Variants in PRSS23 observed in about 807,000 individuals in gnomAD.
The protein encoded by PRSS23 is serine protease 23.
Under a neutral mutation model 34.7 loss-of-function variants are expected in PRSS23, and 25 were observed. That is an observed-to-expected ratio of 0.72 (90% CI 0.53 to 1.01). The LOEUF is 1.01. Ranked by LOEUF, PRSS23 falls within the 50% of genes least tolerant of loss-of-function variation. PRSS23 has a pLI of 0.00. For missense variants in PRSS23, 445 were observed against 475.6 expected (o/e 0.94, Z 0.60); for synonymous variants, 176 against 186.6 (o/e 0.94, Z 0.46).
At chr11:86,892,024 A>G (rs560919038) in intron 2 of PRSS23, among the ~76,000 whole-genome samples, 14 of 152,364 alleles carry the variant, frequency 9.2e-5, no homozygotes, top group African/African-American at 2.6e-4. Context: ...ACAGACTGAT[A>G]CAACATCCTA....
chr11:86,873,587 T>C (rs1948703364), intron 2 of PRSS23, among the ~76,000 whole-genome samples: 1 of 152,090 alleles, frequency 6.6e-6, no homozygotes, highest in Non-Finnish European at 1.5e-5. Flanking sequence ...CCAGCCTATA[T>C]TCTTAAAGAT....
At chr11:86,879,191 C>G (rs1399130759) in intron 2 of PRSS23, among the ~76,000 whole-genome samples, 14 of 149,604 alleles carry the variant, frequency 9.4e-5, no homozygotes, top group Admixed American at 7.3e-4. Context: ...CGTCTCTGCC[C>G]GGCGGCCCAT....
chr11:86,901,166 G>C (rs1948909818), intron 2 of PRSS23, among the ~76,000 whole-genome samples: 1 of 152,064 alleles, frequency 6.6e-6, no homozygotes, highest in Non-Finnish European at 1.5e-5. Context: ...TAACAGCCTA[G>C]TCTTTTCCTT....
At chr11:86,802,780 G>C (rs1394854181) in intron 1 of PRSS23, among the ~76,000 whole-genome samples, 1 of 152,206 alleles carries the variant, frequency 6.6e-6, no homozygotes, top group Non-Finnish European at 1.5e-5. Context: ...TGTTGTTGCA[G>C]TTTTCAAGAC....
chr11:86,797,679 C>G (rs1332136591), upstream of PRSS23, among the ~76,000 whole-genome samples: 3 of 152,144 alleles, frequency 2.0e-5, no homozygotes, highest in Non-Finnish European at 1.5e-5. Flanking sequence ...CAATGAATGT[C>G]AAAGCTGACT....
chr11:86,951,304 A>T (rs1220146427), exon 3 of PRSS23: 2 of 1,614,092 alleles, frequency 1.2e-6, no homozygotes, highest in African/African-American at 2.7e-5. Context: ...CCACCAACAA[A>T]GACATAAAAA....
intron 2 of PRSS23, among the ~76,000 whole-genome samples, chr11:86,858,352 C>T (rs1590897656): frequency 6.6e-6 from 1 of 151,954 alleles, no homozygotes; most frequent in South Asian, 2.1e-4. Flanking sequence ...TTACATCACT[C>T]CTGTGAGATT....
chr11:86,881,422 C>A (rs1339656619), intron 2 of PRSS23, among the ~76,000 whole-genome samples: 2 of 151,822 alleles, frequency 1.3e-5, no homozygotes, highest in Non-Finnish European at 2.9e-5. Flanking sequence ...TATATTGAAA[C>A]AAACCTGCAT....
At chr11:86,950,644 A>G (rs1949281882) in intron 2 of PRSS23, 1 of 191,688 alleles carries the variant, frequency 5.2e-6, no homozygotes, top group South Asian at 1.1e-4. Context: ...TACATCAGCC[A>G]AACTATAAAA....
At position 86,820,691 on chromosome 11, in the gene PRSS23, G is replaced by A. The variant is rs577935079; in HGVS notation, c.-11-2686G>A. On this transcript the variant is annotated intron_variant, in intron 1 of 2. Transcript: ENST00000533902. ...TATCTCATTTGAGGAAAGTTAACAGGTAAGACAAATCTATGTACTATAGAA... is the reference window on the plus strand; with the variant it reads ...TATCTCATTTGAGGAAAGTTAACAGATAAGACAAATCTATGTACTATAGAA... 2.0e-5 allele frequency among the ~76,000 whole-genome samples: 3 copies of A among 152,280 alleles called. No homozygotes were observed. The East Asian group carries it at 5.8e-4, about 29-fold the overall frequency.
chr11:86,923,476 A>G (rs141120145), intron 2 of PRSS23, among the ~76,000 whole-genome samples: 20 of 152,280 alleles, frequency 1.3e-4, no homozygotes, highest in African/African-American at 4.6e-4. Flanking sequence ...TTATATTTCT[A>G]ATGGACAAAG....
chr11:86,799,886 G>A (rs926963989), upstream of PRSS23, among the ~76,000 whole-genome samples: 17 of 152,242 alleles, frequency 1.1e-4, no homozygotes, highest in African/African-American at 3.6e-4. Flanking sequence ...ACAGCACTGA[G>A]TGCTGTAAGG....
intron 2 of PRSS23, among the ~76,000 whole-genome samples, chr11:86,908,657 T>C (rs1269696660): frequency 6.6e-6 from 1 of 152,164 alleles, no homozygotes; most frequent in Non-Finnish European, 1.5e-5. Context: ...GTCCATATAA[T>C]CTGTAGAAAC....
chr11:86,895,586 C>A (rs1330046707), intron 2 of PRSS23, among the ~76,000 whole-genome samples: 1 of 140,800 alleles, frequency 7.1e-6, no homozygotes, highest in Non-Finnish European at 1.5e-5. Context: ...CTCAAGTGAT[C>A]CTCCCACCTC....
intron 2 of PRSS23, chr11:86,935,275 C>T (rs1208798460): frequency 1.3e-5 from 2 of 152,208 alleles, no homozygotes; most frequent in African/African-American, 4.8e-5. Flanking sequence ...TATTAAACAT[C>T]CACTTTGTGT....
chr11:86,918,994 A>G (rs974806794), intron 2 of PRSS23, among the ~76,000 whole-genome samples: 5 of 152,310 alleles, frequency 3.3e-5, no homozygotes, highest in African/African-American at 1.2e-4. Context: ...ATCTCCTGAG[A>G]TACTTGGTGG....
In PRSS23 at chr11:86,800,567, C is replaced by T. The variant is rs1231060992; in HGVS notation, c.-98C>T. 6.1e-6 allele frequency: 6 copies of T among 984,700 alleles called. No individual in the cohort carries two copies. The South Asian group carries it at 1.4e-4, about 23-fold the overall frequency. 61.0% of individuals were successfully genotyped at this position (984,700 alleles called of 1,614,324 possible). ...GCACTCGGCTGTGCGGCGGGGCAGG[C>T]ATGGGAGCCGCGCGCTCTCTCCCGG... On this transcript the variant is annotated 5_prime_UTR_variant, in exon 1 of 2. Coordinates refer to ENST00000280258, the MANE Select transcript of PRSS23 (RefSeq NM_007173.6).
intron 2 of PRSS23, among the ~76,000 whole-genome samples, chr11:86,879,142 G>A (rs1302740503): frequency 6.7e-5 from 10 of 148,394 alleles, no homozygotes; most frequent in African/African-American, 2.0e-4. Flanking sequence ...AGTGAGGAGC[G>A]CCTCTTCCCG....
downstream of PRSS23, among the ~76,000 whole-genome samples, chr11:86,815,726 G>C (rs1948210934): frequency 6.6e-6 from 1 of 152,152 alleles, no homozygotes; most frequent in African/African-American, 2.4e-5. Context: ...AAATATTTGT[G>C]AGAAAGTGAG....
Sources: allele counts gnomAD v4.1 joint callset (sites outside exome capture counted in the v4.1 genomes callset), GRCh38; gene constraint gnomAD v4.1.1; transcripts MANE v1.5; gene names NCBI Gene and HGNC (gene_info 2026-07-23, HGNC 2026-07-21).